SLC8A1: variants seen among roughly 807,000 people sequenced by gnomAD.
The protein encoded by SLC8A1 is sodium/calcium exchanger 1.
In SLC8A1, 18 loss-of-function variants were observed where a neutral mutation model predicts 68.3. The observed-to-expected ratio is 0.26, with a 90% confidence interval of 0.18 to 0.39. SLC8A1 has a LOEUF of 0.39. Ranked by LOEUF, SLC8A1 falls within the 10% of genes least tolerant of loss-of-function variation. The probability of loss-of-function intolerance (pLI) is 1.00; values close to 1 mark genes in which losing one functional copy is unlikely to be tolerated. For synonymous variants in SLC8A1, 475 were observed against 415.5 expected (o/e 1.14, Z -1.74); for missense variants, 985 against 1,156.7 (o/e 0.85, Z 2.15).
At chr2:40,226,800 T>C (rs985892078) in intron 2 of SLC8A1, among the ~76,000 whole-genome samples, 2 of 152,196 alleles carry the variant, frequency 1.3e-5, no homozygotes, top group African/African-American at 4.8e-5. Flanking sequence ...AGTATAATCC[T>C]GAAATTAGTT....
chr2:40,216,692 A>G (rs2057539331), intron 2 of SLC8A1, among the ~76,000 whole-genome samples: 1 of 151,964 alleles, frequency 6.6e-6, no homozygotes, highest in African/African-American at 2.4e-5. Context: ...AATAATTGCC[A>G]CTCTGAATGG....
intron 2 of SLC8A1, among the ~76,000 whole-genome samples, chr2:40,242,897 A>C (rs1477446095): frequency 1.3e-5 from 2 of 152,224 alleles, no homozygotes; most frequent in African/African-American, 4.8e-5. Flanking sequence ...TGCTGTCTCC[A>C]TTTTTATAAA....
intron 2 of SLC8A1, among the ~76,000 whole-genome samples, chr2:40,316,501 A>G (rs187045834): frequency 3.2e-4 from 49 of 151,140 alleles, no homozygotes; most frequent in African/African-American, 9.6e-4. Context: ...TTGGTTCATT[A>G]TAAATATTAA....
chr2:40,139,612 C>T, exon 7 of SLC8A1: 1 of 1,614,124 alleles, frequency 6.2e-7, no homozygotes, highest in Non-Finnish European at 8.5e-7. Flanking sequence ...TCAGAAAGTG[C>T]ATCACGTAAT....
intron 1 of SLC8A1, among the ~76,000 whole-genome samples, chr2:40,472,537 TA>T (rs1704049438): frequency 1.3e-5 from 2 of 152,274 alleles, no homozygotes; most frequent in South Asian, 4.1e-4. Context: ...GGTTAAAAAA[TA>T]TTTTTTTTTA....
chr2:40,272,603 T>C (rs1452354872), intron 2 of SLC8A1, among the ~76,000 whole-genome samples: 1 of 152,210 alleles, frequency 6.6e-6, no homozygotes, highest in African/African-American at 2.4e-5. Context: ...GCCTTATCTG[T>C]TGAGAAGCTC....
chr2:40,204,964 C>T (rs566042250), intron 2 of SLC8A1, among the ~76,000 whole-genome samples: 1 of 152,054 alleles, frequency 6.6e-6, no homozygotes, highest in East Asian at 1.9e-4. Flanking sequence ...GCCATTCCAT[C>T]TTCTTTCCAT....
At chr2:40,269,806 AT>A (rs1445257276) in intron 2 of SLC8A1, among the ~76,000 whole-genome samples, 1 of 151,082 alleles carries the variant, frequency 6.6e-6, no homozygotes, top group African/African-American at 2.4e-5. Flanking sequence ...CTATTTTATT[AT>A]TATTATACTT....
At chr2:40,254,550 CTCTTGAAAATATCATT>C (rs2063568221) in intron 2 of SLC8A1, 1 of 149,932 alleles carries the variant, frequency 6.7e-6, no homozygotes, top group South Asian at 2.1e-4. Context: ...GTCTCTTGAA[CTCTTGAAAATATCATT>C]TTCTTATAGA....
intron 2 of SLC8A1, among the ~76,000 whole-genome samples, chr2:40,290,262 A>G (rs1433690133): frequency 1.3e-5 from 2 of 152,118 alleles, no homozygotes; most frequent in East Asian, 3.8e-4. Context: ...GCAGCTGAAA[A>G]AAAAAAAAGG....
exon 2 of SLC8A1, chr2:40,429,654 G>C: frequency 1.9e-6 from 3 of 1,613,756 alleles, no homozygotes; most frequent in Non-Finnish European, 2.5e-6. Context: ...AGATGCTCCA[G>C]GCTGCTGTCA....
chr2:40,334,180 G>A (rs115062563), intron 2 of SLC8A1, among the ~76,000 whole-genome samples: 137 of 152,284 alleles, frequency 9.0e-4, no homozygotes, highest in African/African-American at 3.2e-3. Context: ...CTATCCACCT[G>A]CCTTGTTTCT....
chr2:40,248,841 G>A (rs531413598), intron 2 of SLC8A1, among the ~76,000 whole-genome samples: 9 of 152,232 alleles, frequency 5.9e-5, no homozygotes, highest in South Asian at 4.2e-4. Flanking sequence ...ATTTAGGTTC[G>A]TTTCTGGTTG....
chr2:40,320,937 A>G (rs935115593), intron 2 of SLC8A1, among the ~76,000 whole-genome samples: 2 of 152,082 alleles, frequency 1.3e-5, no homozygotes, highest in Non-Finnish European at 2.9e-5. Context: ...CTTCACTCCA[A>G]TAGCCTGGAT....
At chr2:40,327,535 G>T (rs978382611) in intron 2 of SLC8A1, among the ~76,000 whole-genome samples, 4 of 152,092 alleles carry the variant, frequency 2.6e-5, no homozygotes, top group Non-Finnish European at 5.9e-5. Context: ...AGGCACAAAT[G>T]AATGAGTTTA....
At chr2:40,120,096 C>T in intron 7 of SLC8A1, among the ~76,000 whole-genome samples, 1 of 152,192 alleles carries the variant, frequency 6.6e-6, no homozygotes, top group East Asian at 1.9e-4. Context: ...CCTTAAACAT[C>T]TCTTCTGCAA....
intron 2 of SLC8A1, among the ~76,000 whole-genome samples, chr2:40,421,747 C>T (rs1460485953): frequency 6.6e-6 from 1 of 152,106 alleles, no homozygotes; most frequent in East Asian, 1.9e-4. Flanking sequence ...ATCTACAGCA[C>T]CAAGTCCTCA....
intron 2 of SLC8A1, among the ~76,000 whole-genome samples, chr2:40,193,883 T>G (rs2052398682): frequency 6.6e-6 from 1 of 152,078 alleles, no homozygotes; most frequent in Admixed American, 6.6e-5. Context: ...TCTGGCCCCC[T>G]ATCTCCAGTC....
At chr2:40,360,339 T>C (rs1674223748) in intron 2 of SLC8A1, among the ~76,000 whole-genome samples, 1 of 152,206 alleles carries the variant, frequency 6.6e-6, no homozygotes, top group South Asian at 2.1e-4. Flanking sequence ...GTTTTTTTAA[T>C]ATATTGGATA....
Sources: allele counts gnomAD v4.1 joint callset (sites outside exome capture counted in the v4.1 genomes callset), GRCh38; gene constraint gnomAD v4.1.1; transcripts MANE v1.5; gene names NCBI Gene and HGNC (gene_info 2026-07-23, HGNC 2026-07-21).